Variants in VSIG4 observed in about 807,000 individuals in gnomAD.
VSIG4 encodes V-set and immunoglobulin domain-containing protein 4.
VSIG4 carries 34 observed loss-of-function variants against 23.4 expected under a neutral mutation model. The observed-to-expected ratio is 1.45, with a 90% CI of 1.10 to 1.93. The LOEUF (loss-of-function observed/expected upper bound fraction) is 1.93, where lower values mean the gene tolerates loss of function less well. Among genes scored for constraint, VSIG4 ranks in the 30% most tolerant of loss-of-function variants. The pLI, the probability that VSIG4 is intolerant of heterozygous loss-of-function variation, is 0.00. For missense variants in VSIG4, 433 were observed against 310.8 expected (o/e 1.39, Z -2.96); for synonymous variants, 169 against 120.3 (o/e 1.41, Z -2.65).
intron 1 of VSIG4, among the ~76,000 whole-genome samples, chrX:66,037,348 A>G (rs1369272252): frequency 3.0e-5 from 1 of 33,865 alleles, no homozygotes; most frequent in African/African-American, 1.9e-4. Context: ...AATATAATAT[A>G]TAATATATAT....
At position 66,033,753 on chromosome X, in the gene VSIG4, G is replaced by A. The variant is rs1373265677; in HGVS notation, c.133C>T (p.Pro45Ser). ...AAGACTTGGGTGTAGCCTTGCAGGG[G>A]GTCATAGGTGCAGGGAAGATTCACA... is the stretch of plus-strand genomic sequence containing the variant. ...GDVNLPCTYD[P>S]LQGYTQVLVK... Residue 45 changes from proline (P) to serine (S), a missense_variant, in exon 2 of 8, where the codon CCC becomes TCC. Pro to Ser is a moderately conservative substitution (Grantham distance 74, BLOSUM62 -1). Coordinates refer to ENST00000374737, the MANE Select transcript of VSIG4 (RefSeq NM_007268.3). The A allele has an allele frequency of 1.7e-6, 2 of 1,209,468 alleles. No individual in the cohort carries two copies. The highest frequency in any genetic ancestry group is 4.4e-5 in the Admixed American group (2 of 45,700).
At chrX:66,024,302 T>C (rs2085365352) in intron 6 of VSIG4, among the ~76,000 whole-genome samples, 1 of 112,402 alleles carries the variant, frequency 8.9e-6, no homozygotes, top group African/African-American at 3.2e-5. Flanking sequence ...AAAAATTTGG[T>C]AAATTTAGTG....
At chrX:66,027,755 A>C (rs758069266) in intron 4 of VSIG4, among the ~76,000 whole-genome samples, 23 of 112,396 alleles carry the variant, frequency 2.0e-4, no homozygotes, top group Non-Finnish European at 3.9e-4. Flanking sequence ...ATGTACCCAA[A>C]GTCACACAGC....
At position 66,039,925 on chromosome X, in the gene VSIG4, G is replaced by GC. The variant is rs1569247527; in HGVS notation, c.55+18dup. 1 of 1,208,275 alleles carries GC rather than the reference G, an allele frequency of 8.3e-7. No individual in the cohort carries two copies. The highest frequency in any genetic ancestry group is 3.0e-5 in the East Asian group (1 of 33,668). ...TGCCTAAGCCAGCAATGGCAGCCAG[G>GC]CCCCCCTTTCTGCCTTACCATAAGT... On this transcript the variant is annotated intron_variant, in intron 1 of 7. Transcript: ENST00000374737.
chrX:66,036,546 T>A (rs1436793751), intron 1 of VSIG4, among the ~76,000 whole-genome samples: 5 of 95,372 alleles, frequency 5.2e-5, no homozygotes, highest in African/African-American at 1.9e-4. Context: ...CTATCTGAAC[T>A]TTGAGTCACT....
Position 66,027,433 on chromosome X carries a change from C to G in VSIG4, c.835+16G>C, listed in dbSNP as rs1399934139. On this transcript the variant is annotated intron_variant, in intron 5 of 7. Transcript: ENST00000374737. ...GAGTCAAGAAGAAAAGATAGAAATC[C>G]TGACAATATTCCTACCTGGCCCAGC... 1.7e-6 allele frequency: 2 copies of G among 1,186,743 alleles called. No individual in the cohort carries two copies. The highest frequency in any genetic ancestry group is 2.3e-5 in the Admixed American group (1 of 44,026).
chrX:66,037,822 G>A (rs2085635955), intron 1 of VSIG4, among the ~76,000 whole-genome samples: 1 of 106,305 alleles, frequency 9.4e-6, no homozygotes, highest in Admixed American at 1.1e-4. Context: ...ACAGTATTGA[G>A]CTTAATGTGG....
Position 66,032,561 on chromosome X carries a change from C to T in VSIG4, c.601G>A (p.Ala201Thr), listed in dbSNP as rs1251666586. Reference protein sequence around the residue: ...ATLSTLLFKPAVIADSGSYFC... With the variant: ...ATLSTLLFKPTVIADSGSYFC... ...TAGGAGCCTGAGTCGGCTATCACCG[C>T]AGGCTTGAAGAGTAAGGTACTTAGG... The change falls in exon 3 of 8, where the codon GCG becomes ACG. Residue 201 changes from alanine to threonine, a missense_variant. Coordinates refer to ENST00000374737, the MANE Select transcript of VSIG4 (RefSeq NM_007268.3). 3 of 1,211,757 alleles carry T rather than the reference C, an allele frequency of 2.5e-6. No homozygotes were observed. Among genetic ancestry groups the T allele is most frequent in the Non-Finnish European group, 2.2e-6 (2 of 895,436 alleles).
At chrX:66,024,700 G>A (rs1238589346) in intron 6 of VSIG4, among the ~76,000 whole-genome samples, 1 of 111,741 alleles carries the variant, frequency 8.9e-6, no homozygotes, top group Non-Finnish European at 1.9e-5. Flanking sequence ...TAAATTCCAT[G>A]TTTCTACCTT....
At chrX:66,036,851 A>C (rs1483993369) in intron 1 of VSIG4, among the ~76,000 whole-genome samples, 4 of 39,402 alleles carry the variant, frequency 1.0e-4, no homozygotes, top group African/African-American at 4.9e-4. Flanking sequence ...ATAATATATT[A>C]TATATATAAT....
intron 3 of VSIG4, among the ~76,000 whole-genome samples, chrX:66,031,067 A>G (rs775517422): frequency 3.6e-5 from 4 of 110,925 alleles, no homozygotes; most frequent in Non-Finnish European, 5.7e-5. Context: ...GGAAGAGTGG[A>G]AGGCTGAGAA....
intron 1 of VSIG4, among the ~76,000 whole-genome samples, chrX:66,038,504 C>T (rs2085646823): frequency 9.1e-6 from 1 of 110,326 alleles, no homozygotes; most frequent in South Asian, 3.8e-4. Flanking sequence ...CACACACACA[C>T]ACATGAATGC....
At chrX:66,028,517 TAAC>T (rs1313316932) in intron 3 of VSIG4, among the ~76,000 whole-genome samples, 12 of 108,707 alleles carry the variant, frequency 1.1e-4, no homozygotes, top group Non-Finnish European at 1.7e-4. Flanking sequence ...ATTTACCCTT[TAAC>T]AACATCAGTG....
At chrX:66,036,771 ATT>A (rs1461026539) in intron 1 of VSIG4, among the ~76,000 whole-genome samples, 3 of 40,785 alleles carry the variant, frequency 7.4e-5, no homozygotes, top group Non-Finnish European at 1.1e-4. Context: ...TATAATATAT[ATT>A]ATATTATATT....
rs755713364 is a variant in VSIG4, at chrX:66,040,013, C to T, written c.-15G>A. 1.7e-6 allele frequency: 2 copies of T among 1,209,597 alleles called. No homozygotes were observed. The highest frequency in any genetic ancestry group is 5.9e-5 in the East Asian group (2 of 33,726). ...AAGATCCCCATCACAGCCAGAGCTACTTCTGTCCTTTCTTCCAGCCTCCTG... is the reference window on the plus strand; with the variant it reads ...AAGATCCCCATCACAGCCAGAGCTATTTCTGTCCTTTCTTCCAGCCTCCTG... On this transcript the variant is annotated 5_prime_UTR_variant, in exon 1 of 8. Coordinates refer to ENST00000374737, the MANE Select transcript of VSIG4 (RefSeq NM_007268.3).
chrX:66,022,726 C>T, intron 7 of VSIG4, 115 bp downstream of exon 7: 2 of 1,182,722 alleles, frequency 1.7e-6, no homozygotes, highest in South Asian at 3.8e-5. Context: ...ACCCTGAAGG[C>T]CTCCGGCCTT....
chrX:66,025,642 C>T (rs193056866), intron 5 of VSIG4, among the ~76,000 whole-genome samples: 1 of 112,081 alleles, frequency 8.9e-6, no homozygotes, highest in African/African-American at 3.2e-5. Flanking sequence ...CTGGACTTGG[C>T]TTCCAGTCCT....
chrX:66,036,815 A>T (rs1422271917), intron 1 of VSIG4, among the ~76,000 whole-genome samples: 3 of 40,160 alleles, frequency 7.5e-5, no homozygotes, highest in Non-Finnish European at 1.1e-4. Flanking sequence ...ATAATATTAT[A>T]TATTATTATA....
chrX:66,027,354 A>T, intron 5 of VSIG4, 95 bp downstream of exon 5: 1 of 777,145 alleles, frequency 1.3e-6, no homozygotes, highest in Non-Finnish European at 1.9e-6. Context: ...TGATTTGCAG[A>T]TTTCAATGCT....
Sources: allele counts gnomAD v4.1 joint callset (sites outside exome capture counted in the v4.1 genomes callset), GRCh38; gene constraint gnomAD v4.1.1; transcripts MANE v1.5; gene names NCBI Gene and HGNC (gene_info 2026-07-23, HGNC 2026-07-21).